The following DACH1 variants were observed in gnomAD, a reference collection of about 807,000 sequenced individuals.
DACH1 encodes dachshund homolog 1.
A neutral mutation model predicts 54.2 loss-of-function variants in DACH1; 12 were observed. The observed-to-expected ratio is 0.22, with a 90% CI of 0.14 to 0.36. The LOEUF is 0.36. Ranked by LOEUF, DACH1 falls within the 10% of genes least tolerant of loss-of-function variation. DACH1 has a pLI of 1.00. For synonymous variants in DACH1, 386 were observed against 366.2 expected, an observed-to-expected ratio of 1.05 and a Z score of -0.62; for missense variants, 805 against 929.8, an observed-to-expected ratio of 0.87 and a Z score of 1.75.
chr13:71,746,966 A>T (rs1037883854), intron 1 of DACH1, among the ~76,000 whole-genome samples: 2 of 152,182 alleles, frequency 1.3e-5, no homozygotes, highest in African/African-American at 4.8e-5. Context: ...ATATGTATTA[A>T]CACAATATCT....
chr13:71,822,101 T>C (rs562445985), intron 1 of DACH1, among the ~76,000 whole-genome samples: 1 of 151,902 alleles, frequency 6.6e-6, no homozygotes, highest in African/African-American at 2.4e-5. Flanking sequence ...ACCAGCAAAA[T>C]TATATATAAA....
chr13:71,736,634 AAG>A (rs1333555668), intron 1 of DACH1, among the ~76,000 whole-genome samples: 1 of 152,174 alleles, frequency 6.6e-6, no homozygotes. Context: ...TCCCGTAAGA[AAG>A]AGGGAGTCAA....
chr13:71,770,912 G>C (rs564679574), intron 1 of DACH1, among the ~76,000 whole-genome samples: 2 of 151,592 alleles, frequency 1.3e-5, no homozygotes, highest in South Asian at 4.1e-4. Context: ...CATTAGATTG[G>C]AATTTGTGTT....
chr13:71,538,971 C>A (rs752921990), intron 6 of DACH1, among the ~76,000 whole-genome samples: 35 of 151,952 alleles, frequency 2.3e-4, no homozygotes, highest in Non-Finnish European at 4.7e-4. Context: ...ACATAAAAGT[C>A]ATCTTTCATT....
intron 1 of DACH1, among the ~76,000 whole-genome samples, chr13:71,717,504 T>TCACACACACACACA (rs3221998): frequency 1.0e-3 from 149 of 142,878 alleles, no homozygotes; most frequent in African/African-American, 3.7e-3. Flanking sequence ...GTGTGTGTAA[T>TCACACACACACACA]CACACACACA....
chr13:71,666,368 T>C (rs1399313262), intron 2 of DACH1, among the ~76,000 whole-genome samples: 1 of 152,150 alleles, frequency 6.6e-6, no homozygotes, highest in East Asian at 1.9e-4. Context: ...TATTTTTCAT[T>C]TGTCAAAATA....
chr13:71,494,394 A>G (rs1383801278), intron 6 of DACH1, among the ~76,000 whole-genome samples: 1 of 152,020 alleles, frequency 6.6e-6, no homozygotes, highest in Non-Finnish European at 1.5e-5. Context: ...CCCCTGGGTT[A>G]GCAATATGCA....
At chr13:71,604,517 C>G (rs547700409) in intron 3 of DACH1, among the ~76,000 whole-genome samples, 1 of 152,036 alleles carries the variant, frequency 6.6e-6, no homozygotes, top group South Asian at 2.1e-4. Flanking sequence ...GAAACCAAAC[C>G]GTTAAATGTT....
intron 1 of DACH1, among the ~76,000 whole-genome samples, chr13:71,741,605 C>T (rs991854181): frequency 1.3e-5 from 2 of 151,986 alleles, no homozygotes; most frequent in Admixed American, 6.6e-5. Context: ...GATAATATGT[C>T]TAAGAGAGAT....
At chr13:71,801,450 A>T (rs2138124999) in intron 1 of DACH1, among the ~76,000 whole-genome samples, 1 of 152,240 alleles carries the variant, frequency 6.6e-6, no homozygotes, top group African/African-American at 2.4e-5. Flanking sequence ...TCAAAAGAAC[A>T]GTTCATGTAA....
In DACH1 at chr13:71,557,720, T is replaced by C. The variant is rs1370616539; in HGVS notation, c.1436-562A>G. On this transcript the variant is annotated intron_variant, in intron 5 of 10. Transcript: ENST00000613252. ...ATGTGTGTTTCCTGAAATGATTCAC[T>C]AAGAAGGACACACTATCACAGCTGT... Among the ~76,000 whole-genome samples, 4 of 151,412 alleles carry C rather than the reference T, an allele frequency of 2.6e-5. No homozygotes were observed. The East Asian group carries it at 7.8e-4, about 29-fold the overall frequency.
Position 71,724,490 on chromosome 13 carries a change from C to G in DACH1, c.849-42580G>C, listed in dbSNP as rs7987687. On this transcript the variant is annotated intron_variant, in intron 1 of 10. Coordinates refer to ENST00000613252, the MANE Select transcript of DACH1 (RefSeq NM_080759.6). The stretch of plus-strand genomic sequence containing the variant: ...AACTGACCAACAGAAATCCTGAGAT[C>G]ATCAACATTTGCCTAAAACCTGCTC... Among the ~76,000 whole-genome samples the G allele has an allele frequency of 7.5e-3, 1,148 of 152,228 alleles. 21 individuals are homozygous for G. The highest frequency in any genetic ancestry group is 0.026 in the African/African-American group (1,087 of 41,548).
chr13:71,853,180 GACT>G (rs1158850746), intron 1 of DACH1, among the ~76,000 whole-genome samples: 3 of 152,100 alleles, frequency 2.0e-5, no homozygotes, highest in Non-Finnish European at 2.9e-5. Flanking sequence ...GCTAAACCAA[GACT>G]CAGAAACCTC....
chr13:71,470,076 A>G (rs1008157352), intron 10 of DACH1, among the ~76,000 whole-genome samples: 1 of 152,210 alleles, frequency 6.6e-6, no homozygotes, highest in African/African-American at 2.4e-5. Context: ...ACTTGTTTTT[A>G]CTTAAAAAGT....
At chr13:71,521,348 G>T (rs905379597) in intron 6 of DACH1, among the ~76,000 whole-genome samples, 1 of 151,856 alleles carries the variant, frequency 6.6e-6, no homozygotes, top group Non-Finnish European at 1.5e-5. Flanking sequence ...TTATGATTTT[G>T]TCATCTTAAA....
At chr13:71,465,159 A>G (rs1225701890) in intron 10 of DACH1, among the ~76,000 whole-genome samples, 1 of 152,076 alleles carries the variant, frequency 6.6e-6, no homozygotes, top group African/African-American at 2.4e-5. Flanking sequence ...TTTTTTCTAA[A>G]GAAGAATTTA....
intron 1 of DACH1, among the ~76,000 whole-genome samples, chr13:71,863,236 T>C (rs879101000): frequency 6.6e-6 from 1 of 152,098 alleles, no homozygotes; most frequent in Non-Finnish European, 1.5e-5. Flanking sequence ...AACAGTATAT[T>C]TGGTGAGAGG....
intron 10 of DACH1, among the ~76,000 whole-genome samples, chr13:71,468,457 G>T (rs916293864): frequency 3.9e-5 from 6 of 152,142 alleles, no homozygotes; most frequent in Admixed American, 3.9e-4. Flanking sequence ...CCATAGAAGT[G>T]CCTAAGGAAC....
intron 1 of DACH1, among the ~76,000 whole-genome samples, chr13:71,770,025 G>A (rs2138032617): frequency 6.6e-6 from 1 of 151,746 alleles, no homozygotes; most frequent in African/African-American, 2.4e-5. Flanking sequence ...GTCCTTCAGT[G>A]CATTAGAATA....
Sources: gnomAD v4.1 joint callset for allele counts (sites outside exome capture counted in the v4.1 genomes callset) on GRCh38, gnomAD v4.1.1 for gene constraint, MANE v1.5 for transcripts, NCBI Gene and HGNC (gene_info 2026-07-23, HGNC 2026-07-21) for gene names.